The following ARL5A variants were observed in gnomAD, a reference collection of about 807,000 sequenced individuals.
The protein encoded by ARL5A is ARF like GTPase 5A, also known as ADP-ribosylation factor-like protein 5A.
In ARL5A, 18 loss-of-function variants were observed where a neutral mutation model predicts 25.9. The observed-to-expected ratio is 0.69, with a 90% CI of 0.48 to 1.03. ARL5A has a LOEUF of 1.03. Among genes scored for constraint, ARL5A ranks in the 50% least tolerant of loss-of-function variants. ARL5A has a pLI of 0.00. For missense variants in ARL5A, 170 were observed against 211.9 expected, an observed-to-expected ratio of 0.80 and a Z score of 1.23; for synonymous variants, 61 against 67.5, an observed-to-expected ratio of 0.90 and a Z score of 0.47.
intron 2 of ARL5A, 105 bp from the exon 3 acceptor site, chr2:151,814,421 A>G (rs2099831233): frequency 3.4e-6 from 3 of 887,704 alleles, no homozygotes; most frequent in Non-Finnish European, 5.0e-6. Context: ...TATAATTTAT[A>G]CCTAAATATC....
chr2:151,819,722 T>C (rs1179316044), intron 1 of ARL5A, among the ~76,000 whole-genome samples: 1 of 151,726 alleles, frequency 6.6e-6, no homozygotes, highest in Admixed American at 6.6e-5. Flanking sequence ...AACAGTTCTG[T>C]TAGGAAAAAC....
chr2:151,803,696 C>T (rs936997915), intron 5 of ARL5A, among the ~76,000 whole-genome samples: 14 of 152,118 alleles, frequency 9.2e-5, no homozygotes, highest in Admixed American at 3.9e-4. Context: ...TCTTTTGGTT[C>T]AGTTATATCT....
At chr2:151,808,469 A>G (rs2099830380) in intron 4 of ARL5A, among the ~76,000 whole-genome samples, 1 of 136,236 alleles carries the variant, frequency 7.3e-6, no homozygotes, top group South Asian at 2.3e-4. Context: ...TAAAATATTT[A>G]TATAACAATC....
intron 5 of ARL5A, among the ~76,000 whole-genome samples, chr2:151,803,562 G>A (rs2099829707): frequency 6.6e-6 from 1 of 152,070 alleles, no homozygotes; most frequent in African/African-American, 2.4e-5. Context: ...CACCCAGGCT[G>A]GAGTGCAATG....
chr2:151,798,811 C>T lies in ARL5A; in HGVS notation c.*4465G>A, dbSNP rs557390880. On this transcript the variant is annotated 3_prime_UTR_variant, in exon 6 of 6. Coordinates refer to ENST00000295087, the MANE Select transcript of ARL5A (RefSeq NM_012097.4). ...AAGCCATACGATACCATAGAAAATACATATAATTTATTAGATGGGCTTAAA... is the reference window on the plus strand; with the variant it reads ...AAGCCATACGATACCATAGAAAATATATATAATTTATTAGATGGGCTTAAA... 1 of 145,150 alleles carries T rather than the reference C, an allele frequency of 6.9e-6. No homozygotes were observed. The highest frequency in any genetic ancestry group is 2.5e-5 in the African/African-American group (1 of 39,720). 9.0% of individuals were successfully genotyped at this position (145,150 alleles called of 1,614,324 possible).
At chr2:151,809,263 G>A (rs1418276593) in intron 4 of ARL5A, among the ~76,000 whole-genome samples, 2 of 152,046 alleles carry the variant, frequency 1.3e-5, no homozygotes, top group Admixed American at 6.6e-5. Context: ...TAGGACACAC[G>A]GTTTATATTA....
chr2:151,825,261 C>T (rs948876583), intron 1 of ARL5A, among the ~76,000 whole-genome samples: 4 of 152,014 alleles, frequency 2.6e-5, no homozygotes, highest in East Asian at 1.9e-4. Context: ...CTAAAGACAA[C>T]TTAGAGATTA....
intron 1 of ARL5A, among the ~76,000 whole-genome samples, chr2:151,825,582 G>A (rs879483057): frequency 6.6e-6 from 1 of 152,048 alleles, no homozygotes; most frequent in African/African-American, 2.4e-5. Flanking sequence ...TAGTTCGAGC[G>A]GTATACAAAT....
At position 151,815,143 on chromosome 2, in the gene ARL5A, G is replaced by C. The variant is rs2099831332; in HGVS notation, c.103C>G (p.Gln35Glu). The change falls in exon 2 of 6, where the codon CAA (glutamine) becomes GAA (glutamate). Residue 35 changes from glutamine to glutamate, a missense_variant. Coordinates refer to ENST00000295087, the MANE Select transcript of ARL5A (RefSeq NM_012097.4). ...TTTAAAATAGTTAATACTTACAATTGGTAAAGAATGGTAGTTTTCCCTGCA... is the reference window on the plus strand; with the variant it reads ...TTTAAAATAGTTAATACTTACAATTCGTAAAGAATGGTAGTTTTCCCTGCA... ...DNAGKTTILY[Q>E]FSMNEVVHTS... is the part of the protein sequence containing the mutation. 1 of 1,602,254 alleles carries C rather than the reference G, an allele frequency of 6.2e-7. No individual in the cohort carries two copies.
chr2:151,813,327 C>T (rs1438918266), intron 3 of ARL5A, among the ~76,000 whole-genome samples: 1 of 152,180 alleles, frequency 6.6e-6, no homozygotes, highest in Non-Finnish European at 1.5e-5. Flanking sequence ...CACTTGACAG[C>T]TTACTGATAG....
chr2:151,804,654 C>G (rs535765829), intron 5 of ARL5A, among the ~76,000 whole-genome samples: 1 of 152,092 alleles, frequency 6.6e-6, no homozygotes, highest in Non-Finnish European at 1.5e-5. Flanking sequence ...GATAAATGAA[C>G]AGTAGTTACC....
intron 2 of ARL5A, 51 bp downstream of exon 2, chr2:151,815,088 G>T (rs1295894719): frequency 7.2e-7 from 1 of 1,386,032 alleles, no homozygotes; most frequent in Non-Finnish European, 1.0e-6. Flanking sequence ...TATCACCCAG[G>T]CCAAAAAAGT....
intron 5 of ARL5A, among the ~76,000 whole-genome samples, chr2:151,806,468 A>T (rs2099830125): frequency 6.6e-6 from 1 of 152,194 alleles, no homozygotes; most frequent in Non-Finnish European, 1.5e-5. Context: ...AAAACACTCC[A>T]GACATAGGAC....
At chr2:151,819,854 G>A (rs903485596) in intron 1 of ARL5A, among the ~76,000 whole-genome samples, 1 of 151,932 alleles carries the variant, frequency 6.6e-6, no homozygotes, top group Non-Finnish European at 1.5e-5. Flanking sequence ...AGGAGTTCAA[G>A]ACCAGCCTGG....
In ARL5A at chr2:151,821,569, C is replaced by T. The variant is rs564898611; in HGVS notation, c.47-6370G>A. ...AAGTTCTAGTTGCTTCCTCCCAAGA[C>T]GTAGCTCTATTTGAGTTTTTTTGTA... On this transcript the variant is annotated intron_variant, in intron 1 of 5. Coordinates refer to ENST00000295087, the MANE Select transcript of ARL5A (RefSeq NM_012097.4). Among the ~76,000 whole-genome samples, 5 of 152,264 alleles carry T rather than the reference C, an allele frequency of 3.3e-5. 1 individual carries two copies. The East Asian group carries it at 9.7e-4, about 29-fold the overall frequency.
At chr2:151,808,230 T>C (rs1175207393) in intron 4 of ARL5A, among the ~76,000 whole-genome samples, 1 of 152,184 alleles carries the variant, frequency 6.6e-6, no homozygotes, top group Non-Finnish European at 1.5e-5. Flanking sequence ...GATATAAAAT[T>C]AAGGTTTTGG....
At chr2:151,816,108 C>G (rs891704809) in intron 1 of ARL5A, among the ~76,000 whole-genome samples, 1 of 152,200 alleles carries the variant, frequency 6.6e-6, no homozygotes, top group African/African-American at 2.4e-5. Flanking sequence ...GAGCCTAAAT[C>G]ATCAGAAACA....
intron 1 of ARL5A, among the ~76,000 whole-genome samples, chr2:151,817,618 G>A (rs914722718): frequency 6.6e-6 from 1 of 152,140 alleles, no homozygotes; most frequent in Non-Finnish European, 1.5e-5. Flanking sequence ...CTATTTCTTT[G>A]TAAGAAAGAG....
rs1351270485 is a variant in ARL5A at position 151,802,102 on chromosome 2, A to T, written c.*1174T>A. 1 of 152,178 alleles carries T rather than the reference A, an allele frequency of 6.6e-6. No individual in the cohort carries two copies. The highest frequency in any genetic ancestry group is 1.5e-5 in the Non-Finnish European group (1 of 67,978). 9.4% of individuals were successfully genotyped at this position (152,178 alleles called of 1,614,324 possible). ...TGTCAATGCATTTATGTAATAGAAG[A>T]TACAACAAAATTTAGAAATAAAAAA... is the stretch of plus-strand genomic sequence containing the variant. On this transcript the variant is annotated 3_prime_UTR_variant, in exon 6 of 6. Coordinates refer to ENST00000295087, the MANE Select transcript of ARL5A (RefSeq NM_012097.4).
Sources: allele counts gnomAD v4.1 joint callset (sites outside exome capture counted in the v4.1 genomes callset), GRCh38; gene constraint gnomAD v4.1.1; transcripts MANE v1.5; gene names NCBI Gene and HGNC (gene_info 2026-07-23, HGNC 2026-07-21).